GARNL3: variants seen among roughly 807,000 people sequenced by gnomAD.
The protein encoded by GARNL3 is GTPase activating Rap/RanGAP domain like 3, also known as GTPase-activating Rap/Ran-GAP domain-like protein 3.
Under a neutral mutation model 125.0 loss-of-function variants are expected in GARNL3, and 63 were observed. That is an observed-to-expected ratio of 0.50 (90% confidence interval 0.41 to 0.62). The LOEUF is 0.62. Among genes scored for constraint, GARNL3 ranks in the 20% least tolerant of loss-of-function variants. GARNL3 has a pLI of 0.00. For synonymous variants in GARNL3, 439 were observed against 457.5 expected (o/e 0.96, Z 0.52); for missense variants, 994 against 1,244.0 (o/e 0.80, Z 3.02).
intron 2 of GARNL3, among the ~76,000 whole-genome samples, chr9:127,303,317 A>G (rs960503534): frequency 6.6e-6 from 1 of 151,994 alleles, no homozygotes; most frequent in African/African-American, 2.4e-5. Context: ...TATGTATGTG[A>G]ATGTGTGATA....
chr9:127,247,236 T>C (rs1400099667), intron 2 of GARNL3, among the ~76,000 whole-genome samples: 1 of 152,188 alleles, frequency 6.6e-6, no homozygotes, highest in Non-Finnish European at 1.5e-5. Context: ...TTAGTTTCAC[T>C]GTTGTGTACA....
chr9:127,344,395 A>G, intron 15 of GARNL3, 56 bp downstream of exon 15: 1 of 1,136,342 alleles, frequency 8.8e-7, no homozygotes, highest in Non-Finnish European at 1.3e-6. Flanking sequence ...GTTCCATCCT[A>G]ACCAGATGGC....
Position 127,339,709 on chromosome 9 carries a change from T to C in GARNL3, c.1093T>C (p.Phe365Leu). ...FGPPLPTPPVFTDHQEFRDFL... is the reference protein window; with the variant it reads ...FGPPLPTPPVLTDHQEFRDFL... ...CCCTCCCTTGCCAACTCCACCAGTGTTTACAGACCACCAGGAATTCAGGGA... is the reference window on the plus strand; with the variant it reads ...CCCTCCCTTGCCAACTCCACCAGTGCTTACAGACCACCAGGAATTCAGGGA... The change falls in exon 13 of 28, where the codon TTT becomes CTT. Residue 365 changes from phenylalanine (F) to leucine (L), a missense_variant. This residue lies in a region of GARNL3 where 728 missense variants were observed against 865.7 expected (regional missense o/e 0.84). Coordinates refer to ENST00000373387, the MANE Select transcript of GARNL3 (RefSeq NM_032293.5). 6.2e-7 allele frequency: 1 copy of C among 1,613,898 alleles called. No individual in the cohort carries two copies. Among genetic ancestry groups the C allele is most frequent in the Non-Finnish European group, 8.5e-7 (1 of 1,179,720 alleles).
intron 1 of GARNL3, among the ~76,000 whole-genome samples, chr9:127,232,858 C>G (rs562108394): frequency 6.6e-6 from 1 of 152,276 alleles, no homozygotes; most frequent in East Asian, 1.9e-4. Flanking sequence ...AGAAAGTTAA[C>G]TACTCCAGAC....
At chr9:127,337,847 T>C (rs1264242998) in intron 11 of GARNL3, among the ~76,000 whole-genome samples, 1 of 152,240 alleles carries the variant, frequency 6.6e-6, no homozygotes, top group Non-Finnish European at 1.5e-5. Context: ...TAGCTATATT[T>C]CTATTGCTTT....
intron 2 of GARNL3, among the ~76,000 whole-genome samples, chr9:127,297,005 C>G (rs1022480545): frequency 6.6e-6 from 1 of 152,150 alleles, no homozygotes; most frequent in Non-Finnish European, 1.5e-5. Flanking sequence ...GTGCTAGGAA[C>G]CACTAACAAA....
At chr9:127,295,106 T>C (rs2064547818) in intron 2 of GARNL3, among the ~76,000 whole-genome samples, 1 of 152,214 alleles carries the variant, frequency 6.6e-6, no homozygotes, top group African/African-American at 2.4e-5. Context: ...TCTGCATAAC[T>C]AGTACACAGA....
intron 22 of GARNL3, among the ~76,000 whole-genome samples, chr9:127,375,326 C>T (rs748945676): frequency 4.6e-5 from 7 of 151,950 alleles, no homozygotes; most frequent in Non-Finnish European, 8.8e-5. Flanking sequence ...ATTAGCCAGG[C>T]GCGGTGGCAG....
chr9:127,343,529 G>A (rs536038471), intron 14 of GARNL3, among the ~76,000 whole-genome samples: 21 of 152,236 alleles, frequency 1.4e-4, no homozygotes, highest in Middle Eastern at 3.4e-3. Context: ...TAAACATGTC[G>A]TTGCTTAATC....
chr9:127,227,018 C>T, intron 1 of GARNL3, among the ~76,000 whole-genome samples: 1 of 152,222 alleles, frequency 6.6e-6, no homozygotes, highest in South Asian at 2.1e-4. Flanking sequence ...GGCCATGCAG[C>T]ACTTGTAATG....
chr9:127,369,612 G>A (rs999646317), intron 22 of GARNL3, among the ~76,000 whole-genome samples: 3 of 152,182 alleles, frequency 2.0e-5, no homozygotes, highest in East Asian at 1.9e-4. Flanking sequence ...TGGACCCAGC[G>A]AGGTGGAGGT....
intron 1 of GARNL3, among the ~76,000 whole-genome samples, chr9:127,226,460 C>T (rs1363124416): frequency 1.3e-5 from 2 of 152,216 alleles, no homozygotes; most frequent in African/African-American, 2.4e-5. Context: ...CTGGTCACCC[C>T]TGGGTGCCCA....
At chr9:127,287,529 A>G (rs2064286250) in intron 1 of GARNL3, among the ~76,000 whole-genome samples, 1 of 152,164 alleles carries the variant, frequency 6.6e-6, no homozygotes, top group Non-Finnish European at 1.5e-5. Flanking sequence ...CTCCTTTCAC[A>G]GCAGCTGACG....
At chr9:127,309,119 C>T (rs1040687954) in intron 2 of GARNL3, among the ~76,000 whole-genome samples, 2 of 152,202 alleles carry the variant, frequency 1.3e-5, no homozygotes, top group South Asian at 2.1e-4. Flanking sequence ...TTTTCACCTA[C>T]GTTTTTACTC....
At chr9:127,276,635 C>T (rs147033337) in intron 1 of GARNL3, among the ~76,000 whole-genome samples, 23 of 152,314 alleles carry the variant, frequency 1.5e-4, no homozygotes, top group Non-Finnish European at 2.2e-4. Context: ...CTGCAATATG[C>T]CCCAAGCTGA....
intron 1 of GARNL3, among the ~76,000 whole-genome samples, chr9:127,288,510 A>G (rs2064317429): frequency 6.6e-6 from 1 of 152,192 alleles, no homozygotes; most frequent in Non-Finnish European, 1.5e-5. Context: ...GGTTGTGGTC[A>G]TCAAGGTGAC....
rs1428928169 is a variant in GARNL3 at position 127,264,894 on chromosome 9, G to A, written c.17G>A (p.Cys6Tyr). ...TTTTTGCAAATGGTAGTTGATTTTT[G>A]CAGAAGGTTTGTGGCCAGATCGCTA... Reference protein sequence around the residue: MVVDFCRRFVARSLCI... With the variant: MVVDFYRRFVARSLCI... Residue 6 changes from cysteine (C) to tyrosine (Y), a missense_variant, in exon 1 of 28, where the codon TGC becomes TAC. By Grantham distance (194) the Cys-to-Tyr change is radical (BLOSUM62 -2). This residue lies in a region of GARNL3 where 37 missense variants were observed against 34.2 expected (regional missense o/e 1.08). Coordinates refer to ENST00000373387, the MANE Select transcript of GARNL3 (RefSeq NM_032293.5). 3.8e-6 allele frequency: 6 copies of A among 1,583,012 alleles called. No individual in the cohort carries two copies. Among genetic ancestry groups the A allele is most frequent in the Admixed American group, 3.5e-5 (2 of 57,308 alleles).
chr9:127,379,384 A>G (rs1265549017), intron 22 of GARNL3, among the ~76,000 whole-genome samples: 1 of 152,214 alleles, frequency 6.6e-6, no homozygotes, highest in Non-Finnish European at 1.5e-5. Context: ...ACTGTGCCCC[A>G]CTGAGAATTT....
At chr9:127,322,275 CA>C in intron 6 of GARNL3, among the ~76,000 whole-genome samples, 1 of 152,090 alleles carries the variant, frequency 6.6e-6, no homozygotes, top group Non-Finnish European at 1.5e-5. Context: ...GCTTCCCAGA[CA>C]CGGAGCCCCA....
Sources: allele counts gnomAD v4.1 joint callset (sites outside exome capture counted in the v4.1 genomes callset), GRCh38; gene constraint gnomAD v4.1.1; regional missense constraint gnomAD v4.1.1; transcripts MANE v1.5; gene names NCBI Gene and HGNC (gene_info 2026-07-23, HGNC 2026-07-21).